SSH2: variants seen among roughly 807,000 people sequenced by gnomAD.
SSH2 encodes protein phosphatase Slingshot homolog 2.
SSH2 carries 37 observed loss-of-function variants against 135.2 expected under a neutral mutation model. That is an observed-to-expected ratio of 0.27 (90% CI 0.21 to 0.36). The LOEUF (loss-of-function observed/expected upper bound fraction) is 0.36. SSH2 is among the 10% of genes least tolerant of loss of function. The pLI, the probability that SSH2 is intolerant of heterozygous loss-of-function variation, is 1.00. For synonymous variants in SSH2, 628 were observed against 646.2 expected (o/e 0.97, Z 0.43); for missense variants, 1,408 against 1,765.3 (o/e 0.80, Z 3.63).
intron 2 of SSH2, among the ~76,000 whole-genome samples, chr17:29,836,318 A>T (rs921974948): frequency 6.6e-6 from 1 of 152,122 alleles, no homozygotes; most frequent in African/African-American, 2.4e-5. Context: ...TTTCCATTTG[A>T]ATTTTTCATA....
At chr17:29,704,877 T>C (rs2039136899) in intron 3 of SSH2, among the ~76,000 whole-genome samples, 2 of 152,204 alleles carry the variant, frequency 1.3e-5, no homozygotes, top group South Asian at 2.1e-4. Flanking sequence ...TAGCCAAGTT[T>C]AGAAATACCT....
intron 1 of SSH2, chr17:29,928,682 G>T (rs1403027323): frequency 2.5e-6 from 1 of 396,688 alleles, no homozygotes; most frequent in Non-Finnish European, 4.4e-6. Context: ...GCTCAGAAAA[G>T]AAGAAACCAC....
chr17:29,628,523 C>T lies in SSH2; in HGVS notation c.*2318G>A, dbSNP rs1295545411. 2.6e-5 allele frequency: 4 copies of T among 152,096 alleles called. No homozygotes were observed. Among genetic ancestry groups the T allele is most frequent in the African/African-American group, 7.2e-5 (3 of 41,418 alleles). The allele number at this position is 152,096 out of a possible 1,614,324, so 9.4% of individuals were successfully genotyped here. A position where few individuals can be genotyped will look rare whatever the true frequency, so the allele number is the denominator to read the frequency against. ...CCACTCTCTTAACTTCCAGGCAAAC[C>T]CTCTCCCCACCCTGCCATAAGTTCC... On this transcript the variant is annotated 3_prime_UTR_variant, in exon 16 of 16. Transcript: ENST00000540801.
intron 1 of SSH2, among the ~76,000 whole-genome samples, chr17:29,908,842 G>A (rs534039384): frequency 1.3e-5 from 2 of 150,590 alleles, no homozygotes; most frequent in East Asian, 3.9e-4. Context: ...AATTTGAGAG[G>A]CCAAGGCGGG....
chr17:29,885,255 C>T (rs1394713667), intron 1 of SSH2, among the ~76,000 whole-genome samples: 1 of 150,642 alleles, frequency 6.6e-6, no homozygotes, highest in Non-Finnish European at 1.5e-5. Context: ...AAGTCTTATG[C>T]AACCTATTGC....
At chr17:29,667,261 T>C (rs779879091) in intron 9 of SSH2, 38 bp from the exon 10 acceptor site, 2 of 1,291,676 alleles carry the variant, frequency 1.5e-6, no homozygotes, top group African/African-American at 3.0e-5. Context: ...TTAAACGATA[T>C]TCTTAATAAC....
At chr17:29,798,464 T>C (rs1207258357) in intron 2 of SSH2, among the ~76,000 whole-genome samples, 1 of 152,206 alleles carries the variant, frequency 6.6e-6, no homozygotes, top group African/African-American at 2.4e-5. Flanking sequence ...GCTCAATCTT[T>C]TATATTTTAA....
intron 1 of SSH2, among the ~76,000 whole-genome samples, chr17:29,856,957 G>A (rs375372353): frequency 3.3e-5 from 5 of 151,964 alleles, no homozygotes; most frequent in South Asian, 4.2e-4. Flanking sequence ...ACCTCCTACC[G>A]GGTCCCTCCC....
intron 5 of SSH2, among the ~76,000 whole-genome samples, chr17:29,686,363 AG>A (rs1405406811): frequency 6.7e-6 from 1 of 149,920 alleles, no homozygotes; most frequent in African/African-American, 2.5e-5. Flanking sequence ...TTAAAATGAC[AG>A]TTTTTTTTTT....
chr17:29,702,770 T>C (rs907090697), intron 4 of SSH2, among the ~76,000 whole-genome samples, 189 bp downstream of exon 4: 7 of 152,240 alleles, frequency 4.6e-5, no homozygotes, highest in African/African-American at 1.2e-4. Context: ...ACATCTACTA[T>C]GTGTAAAAGG....
intron 3 of SSH2, among the ~76,000 whole-genome samples, chr17:29,772,936 C>T (rs1328149179): frequency 6.6e-6 from 1 of 152,078 alleles, no homozygotes; most frequent in Non-Finnish European, 1.5e-5. Context: ...GAAACCCTAC[C>T]AGTATCCCGG....
chr17:29,633,064 G>T, intron 15 of SSH2, 133 bp from the exon 16 acceptor site: 1 of 766,992 alleles, frequency 1.3e-6, no homozygotes, highest in East Asian at 2.7e-5. Flanking sequence ...GAGTGCCTGG[G>T]ACCACACTCT....
At chr17:29,877,003 A>C (rs966007248) in intron 1 of SSH2, among the ~76,000 whole-genome samples, 2 of 152,154 alleles carry the variant, frequency 1.3e-5, no homozygotes, top group African/African-American at 4.8e-5. Flanking sequence ...ACACATGAGG[A>C]GCTCCAAACA....
chr17:29,673,796 T>G (rs1476771421), intron 8 of SSH2: 4 of 298,978 alleles, frequency 1.3e-5, no homozygotes, highest in Non-Finnish European at 2.7e-5. Flanking sequence ...TATAACTTGC[T>G]CTTTTGCTTT....
At chr17:29,659,681 G>T (rs903431626) in intron 11 of SSH2, among the ~76,000 whole-genome samples, 1 of 151,688 alleles carries the variant, frequency 6.6e-6, no homozygotes, top group African/African-American at 2.4e-5. Context: ...ATGCCACCAT[G>T]CCCGGCTAAT....
chr17:29,912,474 T>TTC (rs1401291757), intron 1 of SSH2, among the ~76,000 whole-genome samples: 1 of 152,122 alleles, frequency 6.6e-6, no homozygotes, highest in Non-Finnish European at 1.5e-5. Context: ...CACCTGTAAT[T>TTC]TCAGCACTTC....
intron 1 of SSH2, among the ~76,000 whole-genome samples, chr17:29,872,995 CAA>C (rs891795534): frequency 3.1e-5 from 4 of 129,890 alleles, no homozygotes; most frequent in East Asian, 2.2e-4. Context: ...AACTTGGTCT[CAA>C]AAAAAAAAAA....
intron 1 of SSH2, among the ~76,000 whole-genome samples, chr17:29,869,799 G>A (rs552933531): frequency 1.3e-5 from 2 of 152,152 alleles, no homozygotes; most frequent in Non-Finnish European, 2.9e-5. Context: ...AAGGTCGCCT[G>A]CAGAAATCAG....
chr17:29,770,162 C>T (rs1461631784), intron 3 of SSH2, among the ~76,000 whole-genome samples: 5 of 135,314 alleles, frequency 3.7e-5, no homozygotes, highest in Middle Eastern at 4.3e-3. Context: ...TACAGTGGTG[C>T]GATCTCTGCT....
Sources: allele counts gnomAD v4.1 joint callset (sites outside exome capture counted in the v4.1 genomes callset), GRCh38; gene constraint gnomAD v4.1.1; transcripts MANE v1.5; gene names NCBI Gene and HGNC (gene_info 2026-07-23, HGNC 2026-07-21).